The following ARHGAP8 variants were observed in gnomAD, a reference collection of about 807,000 sequenced individuals.
ARHGAP8 encodes Rho GTPase activating protein 8.
In ARHGAP8, 62 loss-of-function variants were observed where a neutral mutation model predicts 46.1. The ratio of observed to expected loss-of-function variants is 1.34; its 90% CI spans 1.10 to 1.66. The LOEUF (loss-of-function observed/expected upper bound fraction) is 1.66. Among genes scored for constraint, ARHGAP8 ranks in the 40% most tolerant of loss-of-function variants. The probability of loss-of-function intolerance (pLI) is 0.00; values close to 1 mark genes in which losing one functional copy is unlikely to be tolerated. For synonymous variants in ARHGAP8, 375 were observed against 243.1 expected, an observed-to-expected ratio of 1.54 and a Z score of -5.05; for missense variants, 923 against 568.4, an observed-to-expected ratio of 1.62 and a Z score of -6.34.
intron 1 of ARHGAP8, among the ~76,000 whole-genome samples, chr22:44,769,205 T>C (rs1489307959): frequency 1.3e-5 from 2 of 152,182 alleles, no homozygotes; most frequent in Non-Finnish European, 2.9e-5. Context: ...CTGTTCTCCA[T>C]CATCTTTCAC....
intron 3 of ARHGAP8, among the ~76,000 whole-genome samples, chr22:44,804,514 C>T (rs571162298): frequency 2.4e-3 from 372 of 152,324 alleles, no homozygotes; most frequent in African/African-American, 8.1e-3. Flanking sequence ...CCTGGCCGAT[C>T]TCTGGGTGTC....
At chr22:44,772,253 T>TTTTTTTTTTTTTTC (rs1555909610) in intron 1 of ARHGAP8, among the ~76,000 whole-genome samples, 1 of 73,254 alleles carries the variant, frequency 1.4e-5, no homozygotes, top group Non-Finnish European at 2.6e-5. Context: ...TTTTTTTTTT[T>TTTTTTTTTTTTTTC]CAAGACTGAG....
At chr22:44,829,142 A>AAAAG (rs1930752821) in intron 7 of ARHGAP8, among the ~76,000 whole-genome samples, 1 of 148,392 alleles carries the variant, frequency 6.7e-6, no homozygotes, top group African/African-American at 2.5e-5. Context: ...AAAAAAAAAA[A>AAAAG]AAGTTGGGCA....
intron 5 of ARHGAP8, among the ~76,000 whole-genome samples, chr22:44,818,150 A>G (rs773770886): frequency 1.3e-5 from 2 of 150,434 alleles, no homozygotes; most frequent in Non-Finnish European, 3.0e-5. Flanking sequence ...GTTCTTGGAA[A>G]AAAAGTTCAC....
Position 44,814,854 on chromosome 22 carries a change from CCCGTCT to C in ARHGAP8, c.386+99_386+104del, listed in dbSNP as rs376951832. 158 of 1,418,244 alleles carry C rather than the reference CCCGTCT, an allele frequency of 1.1e-4. No homozygotes were observed. In the East Asian group the frequency reaches 3.6e-3, roughly 32 times the overall value. The allele number at this position is 1,418,244 out of a possible 1,614,324, so 87.9% of individuals were successfully genotyped here. On this transcript the variant is annotated intron_variant, in intron 5 of 11. Coordinates refer to ENST00000356099, the MANE Select transcript of ARHGAP8 (RefSeq NM_181335.3). ...TTCCCTATCCACGCATCATGGAGGG[CCCGTCT>C]CCAGGGTGCCTGTGTATCTGGGGCT... is the stretch of plus-strand genomic sequence containing the variant.
At chr22:44,816,566 A>G (rs1929755446) in intron 5 of ARHGAP8, among the ~76,000 whole-genome samples, 1 of 152,152 alleles carries the variant, frequency 6.6e-6, no homozygotes, top group South Asian at 2.1e-4. Flanking sequence ...TAATCATAGC[A>G]CTTTGGGAGG....
intron 1 of ARHGAP8, among the ~76,000 whole-genome samples, chr22:44,763,121 A>C (rs1156418716): frequency 6.6e-6 from 1 of 152,046 alleles, no homozygotes; most frequent in African/African-American, 2.4e-5. Context: ...GCTGGTTGGG[A>C]AGGTGGGGAG....
intron 11 of ARHGAP8, among the ~76,000 whole-genome samples, chr22:44,860,903 CAG>C (rs1452227015): frequency 6.6e-6 from 1 of 152,208 alleles, no homozygotes; most frequent in African/African-American, 2.4e-5. Context: ...CGTCACATCC[CAG>C]AGTCTGTTGG....
intron 2 of ARHGAP8, among the ~76,000 whole-genome samples, chr22:44,793,444 C>T (rs780506727): frequency 1.8e-4 from 27 of 152,200 alleles, no homozygotes; most frequent in African/African-American, 3.1e-4. Context: ...CAACCCATTC[C>T]GTTGCCGGCT....
At chr22:44,816,663 G>T (rs569689797) in intron 5 of ARHGAP8, among the ~76,000 whole-genome samples, 2 of 152,098 alleles carry the variant, frequency 1.3e-5, no homozygotes, top group South Asian at 4.2e-4. Context: ...AAAATTAGCC[G>T]GATGTGTAGC....
chr22:44,786,129 A>G (rs1178042692), intron 1 of ARHGAP8: 4 of 445,736 alleles, frequency 9.0e-6, no homozygotes, highest in African/African-American at 5.9e-5. Context: ...TGCATGGCTG[A>G]GGTAGGTCGC....
chr22:44,753,876 C>T (rs1317724674), intron 1 of ARHGAP8, among the ~76,000 whole-genome samples: 2 of 152,210 alleles, frequency 1.3e-5, no homozygotes, highest in African/African-American at 2.4e-5. Flanking sequence ...ATTTGTCCAG[C>T]TGAGAACTCA....
At chr22:44,785,699 T>G (rs1261729500) in intron 1 of ARHGAP8, among the ~76,000 whole-genome samples, 5 of 152,124 alleles carry the variant, frequency 3.3e-5, no homozygotes, top group African/African-American at 4.8e-5. Flanking sequence ...AATTCAAAAT[T>G]CCTGTTCTTT....
At chr22:44,857,199 G>C (rs4823396) in intron 10 of ARHGAP8, among the ~76,000 whole-genome samples, 118,064 of 137,292 alleles carry the variant, frequency 0.86, 51,290 homozygotes, top group African/African-American at 0.91. Context: ...CTCGGCCTCT[G>C]AAAGTGCTGG....
intron 2 of ARHGAP8, among the ~76,000 whole-genome samples, chr22:44,793,694 C>T (rs906730274): frequency 6.6e-6 from 1 of 152,192 alleles, no homozygotes; most frequent in Admixed American, 6.5e-5. Context: ...CAGGCTTCTC[C>T]TATTGCAGAG....
intron 3 of ARHGAP8, 41 bp downstream of exon 3, chr22:44,802,205 AT>A: frequency 6.2e-7 from 1 of 1,609,722 alleles, no homozygotes; most frequent in Non-Finnish European, 8.5e-7. Context: ...CTGTCTCTCC[AT>A]GTTGCTTGTC....
intron 1 of ARHGAP8, among the ~76,000 whole-genome samples, chr22:44,758,281 T>C (rs1924847793): frequency 1.3e-5 from 2 of 152,048 alleles, no homozygotes; most frequent in African/African-American, 4.8e-5. Flanking sequence ...AATTAGCTAC[T>C]TGTGGTGGCG....
intron 2 of ARHGAP8, among the ~76,000 whole-genome samples, chr22:44,798,339 G>A (rs1199013853): frequency 2.0e-5 from 3 of 151,548 alleles, no homozygotes; most frequent in African/African-American, 7.3e-5. Flanking sequence ...TTGAACTCCT[G>A]GGCTCAAGTG....
At chr22:44,812,156 C>G (rs61345197) in intron 4 of ARHGAP8, among the ~76,000 whole-genome samples, 5 of 152,052 alleles carry the variant, frequency 3.3e-5, no homozygotes, top group African/African-American at 1.2e-4. Context: ...CAAATTCGCA[C>G]GCAAGTGTTC....
Sources: gnomAD v4.1 joint callset for allele counts (sites outside exome capture counted in the v4.1 genomes callset) on GRCh38, gnomAD v4.1.1 for gene constraint, MANE v1.5 for transcripts, NCBI Gene and HGNC (gene_info 2026-07-23, HGNC 2026-07-21) for gene names.